CYP2C19: variants seen among roughly 807,000 people sequenced by gnomAD.
The protein encoded by CYP2C19 is cytochrome P450 2C19.
Under a neutral mutation model 40.9 loss-of-function variants are expected in CYP2C19, and 59 were observed. That is an observed-to-expected ratio of 1.44 (90% CI 1.17 to 1.79). CYP2C19 has a LOEUF of 1.79. CYP2C19 is among the 40% of genes most tolerant of loss of function. CYP2C19 has a pLI of 0.00. For missense variants in CYP2C19, 754 were observed against 596.9 expected, an observed-to-expected ratio of 1.26 and a Z score of -2.74; for synonymous variants, 253 against 208.7, an observed-to-expected ratio of 1.21 and a Z score of -1.83.
intron 6 of CYP2C19, among the ~76,000 whole-genome samples, chr10:94,829,172 G>T (rs1344350742): frequency 6.6e-6 from 1 of 152,078 alleles, no homozygotes; most frequent in Non-Finnish European, 1.5e-5. Flanking sequence ...GAGTATCTTT[G>T]TGGCGTTCTC....
At chr10:94,836,753 G>A (rs1849410686) in intron 6 of CYP2C19, among the ~76,000 whole-genome samples, 1 of 152,192 alleles carries the variant, frequency 6.6e-6, no homozygotes, top group African/African-American at 2.4e-5. Flanking sequence ...GCAGAGCTGA[G>A]CCTTTGGTTT....
intron 6 of CYP2C19, among the ~76,000 whole-genome samples, chr10:94,824,818 C>T (rs1849188821): frequency 8.0e-6 from 1 of 124,686 alleles, no homozygotes; most frequent in Admixed American, 8.9e-5. Context: ...CCCCCCACCC[C>T]ACATCAGTCC....
chr10:94,784,955 C>A (rs1027900432), intron 5 of CYP2C19, among the ~76,000 whole-genome samples: 3 of 151,962 alleles, frequency 2.0e-5, no homozygotes, highest in African/African-American at 7.2e-5. Flanking sequence ...ATACTGTTAC[C>A]CATTTGTATA....
intron 8 of CYP2C19, among the ~76,000 whole-genome samples, chr10:94,852,006 T>C (rs1849660733): frequency 6.6e-6 from 1 of 152,208 alleles, no homozygotes; most frequent in African/African-American, 2.4e-5. Flanking sequence ...ATGTCCTGAC[T>C]GTGGTAATAG....
At chr10:94,851,102 G>C (rs548316286) in intron 8 of CYP2C19, among the ~76,000 whole-genome samples, 191 of 152,202 alleles carry the variant, frequency 1.3e-3, no homozygotes, top group African/African-American at 4.4e-3. Flanking sequence ...ACCTGAGACT[G>C]GGTAATTTAT....
At chr10:94,796,822 G>A (rs762661156) in intron 5 of CYP2C19, among the ~76,000 whole-genome samples, 9 of 152,132 alleles carry the variant, frequency 5.9e-5, no homozygotes, top group Non-Finnish European at 1.3e-4. Flanking sequence ...GAATGCTTGT[G>A]AATTTTGTAC....
chr10:94,775,836 T>C, intron 3 of CYP2C19: 1 of 462,108 alleles, frequency 2.2e-6, no homozygotes, highest in South Asian at 2.6e-5. Context: ...GAGTTCATTT[T>C]TTGAAAGAGT....
chr10:94,767,955 C>T (rs1005329193), intron 1 of CYP2C19, among the ~76,000 whole-genome samples: 2 of 152,204 alleles, frequency 1.3e-5, no homozygotes, highest in South Asian at 4.1e-4. Context: ...CAATTTTGGC[C>T]TCAGCACCTC....
intron 5 of CYP2C19, among the ~76,000 whole-genome samples, chr10:94,814,586 T>C (rs1848972983): frequency 1.3e-5 from 2 of 151,816 alleles, no homozygotes; most frequent in Admixed American, 6.6e-5. Flanking sequence ...GCAATAATTT[T>C]GGGTGCCTCA....
At chr10:94,840,758 C>T (rs1849482145) in intron 6 of CYP2C19, among the ~76,000 whole-genome samples, 2 of 152,284 alleles carry the variant, frequency 1.3e-5, no homozygotes. Context: ...CTCAGCTTCC[C>T]CAAGAAAATT....
At chr10:94,822,501 T>A (rs1460272334) in intron 6 of CYP2C19, among the ~76,000 whole-genome samples, 2 of 152,222 alleles carry the variant, frequency 1.3e-5, no homozygotes, top group African/African-American at 4.8e-5. Flanking sequence ...TGATTCCATT[T>A]TTTTGCTATT....
intron 6 of CYP2C19, among the ~76,000 whole-genome samples, chr10:94,832,557 G>T (rs1264034764): frequency 6.6e-6 from 1 of 152,130 alleles, no homozygotes; most frequent in Non-Finnish European, 1.5e-5. Flanking sequence ...CCTTTGTCAA[G>T]AATGAGTTCA....
At chr10:94,789,384 A>G (rs1848579866) in intron 5 of CYP2C19, among the ~76,000 whole-genome samples, 1 of 151,920 alleles carries the variant, frequency 6.6e-6, no homozygotes, top group South Asian at 2.1e-4. Context: ...TTTTGTTGCC[A>G]TTACTTTTGG....
chr10:94,831,148 C>T (rs377054898), intron 6 of CYP2C19, among the ~76,000 whole-genome samples: 8 of 152,268 alleles, frequency 5.3e-5, no homozygotes, highest in East Asian at 1.9e-4. Flanking sequence ...CTGTACCTGG[C>T]TTATTTCACT....
chr10:94,827,983 T>A (rs555706651), intron 6 of CYP2C19, among the ~76,000 whole-genome samples: 4 of 151,662 alleles, frequency 2.6e-5, no homozygotes, highest in African/African-American at 7.3e-5. Context: ...TTTGAGTGAG[T>A]TTCTTAATCC....
At chr10:94,846,415 A>G (rs1849573949) in intron 7 of CYP2C19, among the ~76,000 whole-genome samples, 1 of 152,222 alleles carries the variant, frequency 6.6e-6, no homozygotes, top group South Asian at 2.1e-4. Flanking sequence ...ATTACTGGTT[A>G]TGCTAAGATC....
intron 5 of CYP2C19, among the ~76,000 whole-genome samples, chr10:94,794,328 C>T (rs1176272282): frequency 6.6e-6 from 1 of 152,126 alleles, no homozygotes; most frequent in Non-Finnish European, 1.5e-5. Context: ...GATGCCCTGC[C>T]CTGCTTCAGC....
At chr10:94,824,685 T>C (rs536562230) in intron 6 of CYP2C19, among the ~76,000 whole-genome samples, 1 of 152,296 alleles carries the variant, frequency 6.6e-6, no homozygotes, top group Non-Finnish European at 1.5e-5. Flanking sequence ...CTTTAAGTTT[T>C]AGGGTACATG....
At chr10:94,797,612 T>C (rs1026684938) in intron 5 of CYP2C19, among the ~76,000 whole-genome samples, 1 of 152,130 alleles carries the variant, frequency 6.6e-6, no homozygotes, top group Non-Finnish European at 1.5e-5. Flanking sequence ...TGAATCCTTC[T>C]GGTCCTGAAC....
Sources: gnomAD v4.1 joint callset for allele counts (sites outside exome capture counted in the v4.1 genomes callset) on GRCh38, gnomAD v4.1.1 for gene constraint, MANE v1.5 for transcripts, NCBI Gene and HGNC (gene_info 2026-07-23, HGNC 2026-07-21) for gene names.